ARHGAP32: variants seen among roughly 807,000 people sequenced by gnomAD.
The protein encoded by ARHGAP32 is rho GTPase-activating protein 32.
Under a neutral mutation model 186.5 loss-of-function variants are expected in ARHGAP32, and 51 were observed. That is an observed-to-expected ratio of 0.27 (90% CI 0.22 to 0.35). ARHGAP32 has a LOEUF of 0.35. ARHGAP32 is among the 10% of genes least tolerant of loss of function. The pLI is 1.00. For synonymous variants in ARHGAP32, 950 were observed against 964.3 expected, an observed-to-expected ratio of 0.99 and a Z score of 0.27; for missense variants, 2,186 against 2,623.5, an observed-to-expected ratio of 0.83 and a Z score of 3.64.
intron 5 of ARHGAP32, among the ~76,000 whole-genome samples, chr11:129,120,178 G>A (rs1942485829): frequency 1.3e-5 from 2 of 152,048 alleles, no homozygotes; most frequent in East Asian, 3.8e-4. Flanking sequence ...TTATTTTAAA[G>A]ATGGAGCCAA....
intron 6 of ARHGAP32, among the ~76,000 whole-genome samples, chr11:129,092,722 A>T (rs1941613563): frequency 6.6e-6 from 1 of 152,062 alleles, no homozygotes; most frequent in Admixed American, 6.5e-5. Flanking sequence ...ACTTCAGTAT[A>T]TCACACACGA....
chr11:129,169,108 A>G (rs536010279), intron 1 of ARHGAP32, among the ~76,000 whole-genome samples: 1 of 152,372 alleles, frequency 6.6e-6, no homozygotes, highest in South Asian at 2.1e-4. Flanking sequence ...AGAAGCTAGA[A>G]AAAGAATAGT....
chr11:129,174,700 C>T (rs1044132011), intron 1 of ARHGAP32, among the ~76,000 whole-genome samples: 2 of 152,066 alleles, frequency 1.3e-5, no homozygotes, highest in African/African-American at 2.4e-5. Flanking sequence ...CTCACATGGC[C>T]GGGTACTCCC....
intron 11 of ARHGAP32, among the ~76,000 whole-genome samples, chr11:129,030,837 G>A (rs1939082104): frequency 6.6e-6 from 1 of 152,150 alleles, no homozygotes; most frequent in Non-Finnish European, 1.5e-5. Flanking sequence ...TTGGTCACAG[G>A]GGCAGATCCC....
At chr11:129,167,742 TAGGTGAGGGATTTC>T (rs888323203) in intron 1 of ARHGAP32, among the ~76,000 whole-genome samples, 48 of 152,308 alleles carry the variant, frequency 3.2e-4, no homozygotes, top group South Asian at 6.2e-4. Context: ...GTTCTACTAA[TAGGTGAGGGATTTC>T]AGGTGAGGGA....
At chr11:129,050,387 T>A (rs533352849) in intron 10 of ARHGAP32, among the ~76,000 whole-genome samples, 339 of 152,318 alleles carry the variant, frequency 2.2e-3, no homozygotes, top group African/African-American at 8.0e-3. Context: ...TTTTGTTTTT[T>A]AAAAAATAGC....
intron 1 of ARHGAP32, among the ~76,000 whole-genome samples, chr11:129,278,917 G>A (rs1171366378): frequency 1.3e-5 from 2 of 148,638 alleles, no homozygotes; most frequent in East Asian, 3.9e-4. Context: ...GGGGAGCGCG[G>A]GGCGCGGGCG....
In ARHGAP32 at chr11:129,063,816, A is replaced by C. The variant is rs878940256; in HGVS notation, c.885+86T>G. 2.5e-4 allele frequency: 342 copies of C among 1,380,804 alleles called. 4 individuals are homozygous for C. In the South Asian group the frequency reaches 5.8e-3, roughly 23 times the overall value. The allele number at this position is 1,380,804 out of a possible 1,614,324, so 85.5% of individuals were successfully genotyped here. On this transcript the variant is annotated intron_variant, in intron 9 of 22. Coordinates refer to ENST00000682385, the MANE Select transcript of ARHGAP32 (RefSeq NM_001378024.1). ...ACCTGGTGCTTTTCATTTTTTTAAA[A>C]ATTAAGGAAATGGTTAAGAACAGTC... is the stretch of plus-strand genomic sequence containing the variant.
chr11:129,065,713 A>G (rs1160144971), intron 7 of ARHGAP32, among the ~76,000 whole-genome samples: 2 of 151,994 alleles, frequency 1.3e-5, no homozygotes, highest in Non-Finnish European at 2.9e-5. Flanking sequence ...ACATCACTTT[A>G]TTTAGATCTG....
At chr11:128,986,738 A>G in intron 13 of ARHGAP32, 70 bp from the exon 14 acceptor site, 1 of 1,487,660 alleles carries the variant, frequency 6.7e-7, no homozygotes, top group Non-Finnish European at 9.3e-7. Flanking sequence ...TAAAAACAGA[A>G]AGCATAAGCT....
Position 129,249,222 on chromosome 11 carries a change from T to C in ARHGAP32, c.-5+29924A>G, listed in dbSNP as rs139413201. ...TACTGAGACACACCAAAAAAAAACT[T>C]TGCAGTCTATAAGGTGAAGAGGATT... is the stretch of plus-strand genomic sequence containing the variant. On this transcript the variant is annotated intron_variant, in intron 1 of 6. Coordinates refer to the ARHGAP32 transcript ENST00000525234. Among the ~76,000 whole-genome samples the C allele has an allele frequency of 2.7e-3, 415 of 152,086 alleles. 4 individuals are homozygous for C. Among genetic ancestry groups the C allele is most frequent in the African/African-American group, 9.5e-3 (394 of 41,492 alleles).
intron 22 of ARHGAP32, chr11:128,971,563 C>G (rs540792098): frequency 6.0e-6 from 1 of 166,970 alleles, no homozygotes; most frequent in Admixed American, 5.7e-5. Flanking sequence ...ATTCTATCAT[C>G]TGGGGAGACT....
chr11:129,198,649 T>G (rs1302962827), intron 1 of ARHGAP32, among the ~76,000 whole-genome samples: 1 of 151,902 alleles, frequency 6.6e-6, no homozygotes, highest in Non-Finnish European at 1.5e-5. Context: ...CATGTGGAAC[T>G]GTGAGTCAAT....
At chr11:129,218,088 A>G (rs1055822514) in intron 1 of ARHGAP32, among the ~76,000 whole-genome samples, 6 of 152,198 alleles carry the variant, frequency 3.9e-5, no homozygotes, top group Admixed American at 3.9e-4. Context: ...ACCAACTGTG[A>G]TATCTACTTT....
At position 128,972,744 on chromosome 11, in the gene ARHGAP32, T is replaced by C; in HGVS notation, c.3762A>G (p.Leu1254=). The change falls in exon 22 of 23, where the codon TTA becomes TTG. Residue 1254 remains leucine (L), a synonymous_variant. Transcript: ENST00000682385. ...AAGGAGGGTAGATTTTATCGCTAGG[T>C]AAATTAGGAGGTGTGGGAGATTTGT... is the stretch of plus-strand genomic sequence containing the variant. ...FADKSPTPPN[L]PSDKIYPPSG... is the part of the protein sequence containing the mutation. The C allele has an allele frequency of 6.2e-7, 1 of 1,613,798 alleles. No homozygotes were observed. The highest frequency in any genetic ancestry group is 8.5e-7 in the Non-Finnish European group (1 of 1,179,994).
intron 12 of ARHGAP32, among the ~76,000 whole-genome samples, chr11:128,988,504 A>G (rs1419234244): frequency 6.6e-6 from 1 of 152,232 alleles, no homozygotes; most frequent in African/African-American, 2.4e-5. Context: ...ACAGCTGTTC[A>G]GCTGACTTTC....
At chr11:129,017,401 C>T (rs373546984) in intron 11 of ARHGAP32, among the ~76,000 whole-genome samples, 71 of 146,450 alleles carry the variant, frequency 4.8e-4, no homozygotes, top group African/African-American at 1.7e-3. Flanking sequence ...GAGCTGAGAT[C>T]GTGCCATTGC....
chr11:129,022,984 G>C (rs1056663397), intron 11 of ARHGAP32, among the ~76,000 whole-genome samples: 1 of 152,074 alleles, frequency 6.6e-6, no homozygotes. Flanking sequence ...ATGAAAATGA[G>C]CTCTAAATTC....
chr11:129,258,377 A>G (rs1329166193), intron 1 of ARHGAP32, among the ~76,000 whole-genome samples: 1 of 151,946 alleles, frequency 6.6e-6, no homozygotes, highest in Non-Finnish European at 1.5e-5. Context: ...ATGGCTGCAG[A>G]CCCCGGTGTT....
Sources: gnomAD v4.1 joint callset for allele counts (sites outside exome capture counted in the v4.1 genomes callset) on GRCh38, gnomAD v4.1.1 for gene constraint, MANE v1.5 for transcripts, NCBI Gene and HGNC (gene_info 2026-07-23, HGNC 2026-07-21) for gene names.